The following MXRA8 variants were observed in gnomAD, a reference collection of about 807,000 sequenced individuals.
MXRA8 encodes the protein matrix remodeling-associated protein 8.
In MXRA8, 44 loss-of-function variants were observed where a neutral mutation model predicts 51.4. The observed-to-expected ratio is 0.86, with a 90% CI of 0.67 to 1.10. MXRA8 has a LOEUF of 1.10. Ranked by LOEUF, MXRA8 falls within the 50% of genes least tolerant of loss-of-function variation. The pLI, the probability that MXRA8 is intolerant of heterozygous loss-of-function variation, is 0.00. For missense variants in MXRA8, 765 were observed against 638.9 expected (o/e 1.20, Z -2.13); for synonymous variants, 369 against 293.5 (o/e 1.26, Z -2.63).
upstream of MXRA8, chr1:1,361,461 G>T (rs538602808): frequency 4.5e-4 from 277 of 610,548 alleles, 3 homozygotes; most frequent in South Asian, 4.8e-3. Flanking sequence ...GGCTGGAGGG[G>T]CGAGGACGGA....
At chr1:1,353,739 G>A in intron 9 of MXRA8, 109 bp downstream of exon 9, 1 of 1,466,644 alleles carries the variant, frequency 6.8e-7, no homozygotes, top group South Asian at 1.3e-5. Context: ...TGAGCCTGAG[G>A]TGGCAGGGGC....
At position 1,353,898 on chromosome 1, in the gene MXRA8, G is replaced by A. The variant is rs1370267925; in HGVS notation, c.1253C>T (p.Ala418Val). The A allele has an allele frequency of 1.7e-5, 28 of 1,609,124 alleles. No homozygotes were observed. Among genetic ancestry groups the A allele is most frequent in the African/African-American group, 4.0e-5 (3 of 74,888 alleles). The change falls in exon 9 of 10, where the codon GCG becomes GTG. Residue 418 changes from alanine (A) to valine (V), a missense_variant. Physicochemically the swap from Ala to Val is moderately conservative, Grantham distance 64. Coordinates refer to ENST00000309212, the MANE Select transcript of MXRA8 (RefSeq NM_032348.4). ...AGGCAGGGGGCTGTGGGCCAGCTCC[G>A]CCCTCTCCTTCAGGATGTTGTTTTT... ...DYKNNILKERAELAHSPLPAK... is the reference protein window; with the variant it reads ...DYKNNILKERVELAHSPLPAK...
At chr1:1,361,089 CACG>C (rs1644216776), upstream of MXRA8, among the ~76,000 whole-genome samples, 3 of 151,574 alleles carry the variant, frequency 2.0e-5, no homozygotes, top group South Asian at 6.3e-4. Flanking sequence ...CATGCGCACA[CACG>C]ACACACATGG....
chr1:1,355,162 G>A lies in MXRA8; in HGVS notation c.479-10C>T, dbSNP rs1644096730. Reference sequence around the variant, plus strand: ...GCGGGGGTGGCCGGGGCTGCGGAGGGGGCGCGGTCAGCGGCGCGCGGGCCG... The same window carrying A: ...GCGGGGGTGGCCGGGGCTGCGGAGGAGGCGCGGTCAGCGGCGCGCGGGCCG... On this transcript the variant is annotated splice_polypyrimidine_tract_variant and intron_variant, in intron 4 of 9. Transcript: ENST00000309212. 7.2e-7 allele frequency: 1 copy of A among 1,393,024 alleles called. No individual in the cohort carries two copies. Among genetic ancestry groups the A allele is most frequent in the African/African-American group, 1.5e-5 (1 of 65,908 alleles). 86.3% of individuals were successfully genotyped at this position (1,393,024 alleles called of 1,614,324 possible).
chr1:1,353,651 G>A (rs540440841), intron 9 of MXRA8, 22 bp from the exon 10 acceptor site: 132 of 1,559,612 alleles, frequency 8.5e-5, no homozygotes, highest in East Asian at 5.2e-4. Flanking sequence ...GGGCGCCAAC[G>A]GGTTGGCGGC....
chr1:1,362,200 A>G (rs1329334248), upstream of MXRA8, among the ~76,000 whole-genome samples: 2 of 152,178 alleles, frequency 1.3e-5, no homozygotes, highest in African/African-American at 2.4e-5. Context: ...AAGGCCCGGA[A>G]GAGGAGAGCT....
chr1:1,355,382 G>A (rs775800078), intron 3 of MXRA8, 37 bp from the exon 4 acceptor site: 7 of 1,546,020 alleles, frequency 4.5e-6, no homozygotes, highest in East Asian at 2.6e-5. Flanking sequence ...TGAGCCTTGC[G>A]GTGCCCCCGA....
chr1:1,361,126 GAC>G (rs1161308653), upstream of MXRA8: 233 of 697,160 alleles, frequency 3.3e-4, no homozygotes, highest in South Asian at 6.6e-4. Flanking sequence ...TGCACATGAA[GAC>G]ACACGGACAC....
At chr1:1,361,432 A>T, upstream of MXRA8, 38 of 628,504 alleles carry the variant, frequency 6.0e-5, no homozygotes, top group East Asian at 2.0e-4. Flanking sequence ...GGAATGAGAC[A>T]GGGGTCGGGG....
Position 1,352,953 on chromosome 1 carries a change from A to C in MXRA8, c.*651T>G. 1 of 424,186 alleles carries C rather than the reference A, an allele frequency of 2.4e-6. No individual in the cohort carries two copies. The highest frequency in any genetic ancestry group is 4.3e-6 in the Non-Finnish European group (1 of 234,744). The allele number at this position is 424,186 out of a possible 1,614,324, so 26.3% of individuals were successfully genotyped here. A position where few individuals can be genotyped will look rare whatever the true frequency, so the allele number is the denominator to read the frequency against. On this transcript the variant is annotated 3_prime_UTR_variant, in exon 10 of 10. Transcript: ENST00000309212. ...AGCAAGGCTAGGGTAGGGATGGGGC[A>C]GAGAAAGGGCAAGGGGTGCAGCCCC...
chr1:1,354,181 G>C lies in MXRA8; in HGVS notation c.1145+12C>G, dbSNP rs769983037. ...CCCTGGTCCCCAGGAGGGCCGGGAGGGGGGCACTCACCCCTTTGACTTTCC... is the reference window on the plus strand; with the variant it reads ...CCCTGGTCCCCAGGAGGGCCGGGAGCGGGGCACTCACCCCTTTGACTTTCC... On this transcript the variant is annotated intron_variant, in intron 7 of 9. Coordinates refer to ENST00000309212, the MANE Select transcript of MXRA8 (RefSeq NM_032348.4). 4.3e-5 allele frequency: 69 copies of C among 1,612,610 alleles called. No individual in the cohort carries two copies. The highest frequency in any genetic ancestry group is 5.4e-5 in the Non-Finnish European group (64 of 1,179,988).
Position 1,353,365 on chromosome 1 carries a change from G to A in MXRA8, c.*239C>T, listed in dbSNP as rs532368399. 16 of 1,546,922 alleles carry A rather than the reference G, an allele frequency of 1.0e-5. No individual in the cohort carries two copies. In the African/African-American group the frequency reaches 2.1e-4, roughly 20 times the overall value. ...CATGATGGGCATCAGTGGGATTTTGGTTGTGCCAGGGGTGGGCAGGGCCAC... is the reference window on the plus strand; with the variant it reads ...CATGATGGGCATCAGTGGGATTTTGATTGTGCCAGGGGTGGGCAGGGCCAC... On this transcript the variant is annotated 3_prime_UTR_variant, in exon 10 of 10. Coordinates refer to ENST00000309212, the MANE Select transcript of MXRA8 (RefSeq NM_032348.4).
At position 1,353,230 on chromosome 1, in the gene MXRA8, AC is replaced by A; in HGVS notation, c.*373del. 7.2e-7 allele frequency: 1 copy of A among 1,390,854 alleles called. No homozygotes were observed. Among genetic ancestry groups the A allele is most frequent in the Non-Finnish European group, 1.0e-6 (1 of 1,002,370 alleles). The allele number at this position is 1,390,854 out of a possible 1,614,324, so 86.2% of individuals were successfully genotyped here. ...ACGAGCAGAGCCCTGGAGGAGTGGGACTCCTGCCCTGAGGCTGACCCCAGTT... is the reference window on the plus strand; with the variant it reads ...ACGAGCAGAGCCCTGGAGGAGTGGGATCCTGCCCTGAGGCTGACCCCAGTT... On this transcript the variant is annotated 3_prime_UTR_variant, in exon 10 of 10. Transcript: ENST00000309212.
chr1:1,357,520 T>C (rs932878692), intron 1 of MXRA8, among the ~76,000 whole-genome samples: 1 of 151,294 alleles, frequency 6.6e-6, no homozygotes, highest in Non-Finnish European at 1.5e-5. Flanking sequence ...CAGTTAAAAC[T>C]CCCCCACCAG....
chr1:1,354,363 G>A lies in MXRA8; in HGVS notation c.1096C>T (p.Arg366Cys), dbSNP rs1189910474. Residue 366 changes from arginine (R) to cysteine (C), a missense_variant, in exon 6 of 10, where the codon CGC becomes TGC. Coordinates refer to ENST00000309212, the MANE Select transcript of MXRA8 (RefSeq NM_032348.4). Reference protein sequence around the residue: ...LVTVLLAARRRRGGYEYSDQK... With the variant: ...LVTVLLAARRCRGGYEYSDQK... ...GCCGGGGCAGCCTCACCTCCGCGGC[G>A]CCTGCGGGCGGCCAGGAGGACAGTG... is the stretch of plus-strand genomic sequence containing the variant. The A allele has an allele frequency of 3.7e-6, 6 of 1,610,874 alleles. No homozygotes were observed. The highest frequency in any genetic ancestry group is 4.2e-6 in the Non-Finnish European group (5 of 1,179,318).
In MXRA8 at chr1:1,352,951, G is replaced by A; in HGVS notation, c.*653C>T. ...AGAGCAAGGCTAGGGTAGGGATGGG[G>A]CAGAGAAAGGGCAAGGGGTGCAGCC... On this transcript the variant is annotated 3_prime_UTR_variant, in exon 10 of 10. Coordinates refer to ENST00000309212, the MANE Select transcript of MXRA8 (RefSeq NM_032348.4). 2.4e-6 allele frequency: 1 copy of A among 423,084 alleles called. No individual in the cohort carries two copies. The highest frequency in any genetic ancestry group is 2.6e-5 in the South Asian group (1 of 38,982). The allele number at this position is 423,084 out of a possible 1,614,324, so 26.2% of individuals were successfully genotyped here. A position where few individuals can be genotyped will look rare whatever the true frequency, so the allele number is the denominator to read the frequency against.
intron 1 of MXRA8, 81 bp from the exon 2 acceptor site, chr1:1,356,785 C>T (rs1442011848): frequency 3.2e-6 from 4 of 1,242,670 alleles, no homozygotes; most frequent in Non-Finnish European, 4.2e-6. Flanking sequence ...CCCAGAGTCC[C>T]TCCTGTAGTC....
upstream of MXRA8, chr1:1,358,679 C>A: frequency 7.1e-7 from 1 of 1,400,464 alleles, no homozygotes; most frequent in Non-Finnish European, 9.3e-7. Flanking sequence ...CCTCCCCCAT[C>A]GTTGCTGGCC....
chr1:1,358,619 C>A (rs544548777), upstream of MXRA8: 3 of 1,462,768 alleles, frequency 2.1e-6, no homozygotes, highest in African/African-American at 1.4e-5. Context: ...AGGCCTGGGC[C>A]TGTCTACGGT....
Sources: gnomAD v4.1 joint callset for allele counts (sites outside exome capture counted in the v4.1 genomes callset) on GRCh38, gnomAD v4.1.1 for gene constraint, MANE v1.5 for transcripts, NCBI Gene and HGNC (gene_info 2026-07-23, HGNC 2026-07-21) for gene names.